PRKN: variants seen among roughly 807,000 people sequenced by gnomAD.
PRKN encodes parkin RBR E3 ubiquitin protein ligase.
PRKN carries 56 observed loss-of-function variants against 59.5 expected under a neutral mutation model. The ratio of observed to expected loss-of-function variants is 0.94; its 90% confidence interval spans 0.76 to 1.18. The LOEUF is 1.18. Ranked by LOEUF, PRKN falls within the 50% of genes most tolerant of loss-of-function variation. The pLI is 0.00. For missense variants in PRKN, 657 were observed against 596.4 expected, an observed-to-expected ratio of 1.10 and a Z score of -1.06; for synonymous variants, 250 against 222.1, an observed-to-expected ratio of 1.13 and a Z score of -1.12.
chr6:161,509,187 T>A (rs1249142766), intron 9 of PRKN, among the ~76,000 whole-genome samples: 1 of 122,104 alleles, frequency 8.2e-6, no homozygotes, highest in African/African-American at 3.2e-5. Flanking sequence ...CATTTTGGTA[T>A]CTAAAGACTT....
chr6:161,827,753 C>T (rs1463041524), intron 6 of PRKN, among the ~76,000 whole-genome samples: 1 of 152,088 alleles, frequency 6.6e-6, no homozygotes, highest in Non-Finnish European at 1.5e-5. Flanking sequence ...GGTGATCCAC[C>T]CACCTTGGCC....
chr6:162,106,298 T>C (rs1780190994), intron 4 of PRKN, among the ~76,000 whole-genome samples: 1 of 152,026 alleles, frequency 6.6e-6, no homozygotes, highest in East Asian at 1.9e-4. Context: ...GATAAATCAA[T>C]AGCTCCGCGA....
intron 4 of PRKN, among the ~76,000 whole-genome samples, chr6:162,063,608 G>C (rs1394815220): frequency 8.0e-6 from 1 of 125,536 alleles, no homozygotes; most frequent in Non-Finnish European, 1.8e-5. Context: ...GCAGTGGTGC[G>C]ATCTCCGCTC....
intron 1 of PRKN, among the ~76,000 whole-genome samples, chr6:162,597,958 C>T (rs930527742): frequency 6.6e-6 from 1 of 152,084 alleles, no homozygotes; most frequent in African/African-American, 2.4e-5. Context: ...ATATATTGAG[C>T]ATTTTCAATG....
At chr6:162,568,998 G>C in intron 1 of PRKN, 1 of 688,450 alleles carries the variant, frequency 1.5e-6, no homozygotes, top group Non-Finnish European at 2.6e-6. Context: ...GCTGTATGAA[G>C]AGGAGACCTT....
chr6:161,707,677 T>C (rs1439891698), intron 7 of PRKN, among the ~76,000 whole-genome samples: 1 of 152,032 alleles, frequency 6.6e-6, no homozygotes, highest in African/African-American at 2.4e-5. Context: ...GCTTCAACTA[T>C]ATATTCAAAG....
rs150037194 is a variant in PRKN at position 162,585,877 on chromosome 6, G to C, written c.7+141785C>G. Among the ~76,000 whole-genome samples, 73 of 151,532 alleles carry C rather than the reference G, an allele frequency of 4.8e-4. 1 individual carries two copies. Among genetic ancestry groups the C allele is most frequent in the African/African-American group, 1.6e-3 (65 of 41,306 alleles). On this transcript the variant is annotated intron_variant, in intron 1 of 11. Transcript: ENST00000366898. ...CCACCATGCCCGGCTAATTTTTTTTGTGTTTTTAGTAGAAACAGGGTTTCA... is the reference window on the plus strand; with the variant it reads ...CCACCATGCCCGGCTAATTTTTTTTCTGTTTTTAGTAGAAACAGGGTTTCA...
rs145357974 is a variant in PRKN, at chr6:162,132,257, T to A, written c.534+68874A>T. ...TTGGATTGCAGATTCATACTCTGGG[T>A]CATGACGGCTGGGCTCTATTTAAGA... On this transcript the variant is annotated intron_variant, in intron 4 of 11. Coordinates refer to ENST00000366898, the MANE Select transcript of PRKN (RefSeq NM_004562.3). Among the ~76,000 whole-genome samples the A allele has an allele frequency of 1.4e-3, 218 of 152,200 alleles. 1 individual carries two copies. Among genetic ancestry groups the A allele is most frequent in the African/African-American group, 5.1e-3 (212 of 41,508 alleles).
intron 7 of PRKN, among the ~76,000 whole-genome samples, chr6:161,699,576 T>C (rs1423333786): frequency 6.6e-6 from 1 of 152,206 alleles, no homozygotes; most frequent in African/African-American, 2.4e-5. Flanking sequence ...TGTATCTCAA[T>C]ATAATTAGGC....
chr6:162,619,708 A>C (rs1782578013), intron 1 of PRKN, among the ~76,000 whole-genome samples: 1 of 54,376 alleles, frequency 1.8e-5, no homozygotes, highest in Admixed American at 2.1e-4. Context: ...CACTTTTTCC[A>C]CTCACACACA....
At chr6:161,928,985 G>A (rs1583359193) in intron 6 of PRKN, among the ~76,000 whole-genome samples, 1 of 152,022 alleles carries the variant, frequency 6.6e-6, no homozygotes. Flanking sequence ...CCCCAAAAAA[G>A]TACAAACGAG....
At chr6:162,380,447 GTA>G (rs1562716412) in intron 2 of PRKN, among the ~76,000 whole-genome samples, 18 of 51,342 alleles carry the variant, frequency 3.5e-4, no homozygotes, top group African/African-American at 1.9e-3. Flanking sequence ...ATATATATAT[GTA>G]TATATACACA....
intron 9 of PRKN, among the ~76,000 whole-genome samples, chr6:161,492,067 G>T (rs1375650192): frequency 6.6e-6 from 1 of 152,220 alleles, no homozygotes; most frequent in Non-Finnish European, 1.5e-5. Context: ...TCAAGTAAAT[G>T]CTCAGTACAT....
intron 5 of PRKN, among the ~76,000 whole-genome samples, chr6:162,014,578 A>G (rs1198783278): frequency 6.6e-6 from 1 of 152,138 alleles, no homozygotes; most frequent in African/African-American, 2.4e-5. Context: ...TGACCAGTGC[A>G]CCATTCCATG....
chr6:162,525,550 C>T (rs1158922641), intron 1 of PRKN, among the ~76,000 whole-genome samples: 1 of 152,194 alleles, frequency 6.6e-6, no homozygotes, highest in Admixed American at 6.5e-5. Flanking sequence ...TCCCACAATT[C>T]CAATTTCCCA....
At chr6:162,498,541 G>T (rs34665264) in intron 1 of PRKN, among the ~76,000 whole-genome samples, 46,747 of 144,462 alleles carry the variant, frequency 0.32, 7,759 homozygotes, top group East Asian at 0.46. Flanking sequence ...TGCCTCCTGG[G>T]TTCAAGCGAT....
At chr6:161,420,108 C>T (rs914924981) in intron 9 of PRKN, among the ~76,000 whole-genome samples, 6 of 151,772 alleles carry the variant, frequency 4.0e-5, no homozygotes, top group East Asian at 2.0e-4. Context: ...TGTGGTAGCA[C>T]GTGCCTGTAG....
intron 2 of PRKN, among the ~76,000 whole-genome samples, chr6:162,348,466 A>G (rs937988881): frequency 5.9e-5 from 9 of 152,184 alleles, no homozygotes; most frequent in Non-Finnish European, 1.3e-4. Flanking sequence ...TGCAATAAAT[A>G]CCTATATTAG....
At chr6:162,214,773 A>G (rs1169970804) in intron 3 of PRKN, among the ~76,000 whole-genome samples, 6 of 152,336 alleles carry the variant, frequency 3.9e-5, no homozygotes, top group African/African-American at 2.4e-5. Context: ...TGAATTGGTC[A>G]TGGTATCTTA....
Sources: allele counts gnomAD v4.1 joint callset (sites outside exome capture counted in the v4.1 genomes callset), GRCh38; gene constraint gnomAD v4.1.1; transcripts MANE v1.5; gene names NCBI Gene and HGNC (gene_info 2026-07-23, HGNC 2026-07-21).